POU2F1: variants seen among roughly 807,000 people sequenced by gnomAD.
The protein encoded by POU2F1 is POU class 2 homeobox 1.
In POU2F1, 16 loss-of-function variants were observed where a neutral mutation model predicts 84.9. The observed-to-expected ratio is 0.19, with a 90% CI of 0.13 to 0.29. POU2F1 has a LOEUF of 0.29. Among genes scored for constraint, POU2F1 ranks in the 10% least tolerant of loss-of-function variants. POU2F1 has a pLI of 1.00. For missense variants in POU2F1, 738 were observed against 942.6 expected (o/e 0.78, Z 2.84); for synonymous variants, 368 against 368.3 (o/e 1.00, Z 0.01).
At chr1:167,413,316 A>G (rs1048100617) in intron 15 of POU2F1, among the ~76,000 whole-genome samples, 1 of 152,200 alleles carries the variant, frequency 6.6e-6, no homozygotes, top group South Asian at 2.1e-4. Flanking sequence ...TAAGAAAAGT[A>G]TAGGTGTTAG....
chr1:167,245,758 T>C (rs1427339365), intron 1 of POU2F1, among the ~76,000 whole-genome samples: 1 of 152,188 alleles, frequency 6.6e-6, no homozygotes, highest in Non-Finnish European at 1.5e-5. Flanking sequence ...GGTTTCACTG[T>C]ATTGCCCAGG....
intron 13 of POU2F1, among the ~76,000 whole-genome samples, chr1:167,410,860 C>T (rs1649913577): frequency 6.6e-6 from 1 of 152,048 alleles, no homozygotes; most frequent in Non-Finnish European, 1.5e-5. Context: ...TTTTAAATTA[C>T]ATATGTCTTG....
chr1:167,306,061 T>C (rs1366387176), intron 1 of POU2F1, among the ~76,000 whole-genome samples: 1 of 152,228 alleles, frequency 6.6e-6, no homozygotes, highest in Non-Finnish European at 1.5e-5. Context: ...ACGGTCAACT[T>C]GTTAACCCTC....
chr1:167,313,851 C>T (rs1322692251), intron 1 of POU2F1, among the ~76,000 whole-genome samples: 1 of 152,132 alleles, frequency 6.6e-6, no homozygotes, highest in African/African-American at 2.4e-5. Context: ...TAAAGGACTC[C>T]TGTCTACAAT....
chr1:167,409,579 AT>A (rs1416847658), intron 13 of POU2F1, among the ~76,000 whole-genome samples: 2 of 152,228 alleles, frequency 1.3e-5, no homozygotes. Flanking sequence ...CATAATGCTT[AT>A]TTATATAACA....
At chr1:167,348,298 C>T (rs1278081889) in intron 2 of POU2F1, among the ~76,000 whole-genome samples, 1 of 152,134 alleles carries the variant, frequency 6.6e-6, no homozygotes, top group East Asian at 1.9e-4. Flanking sequence ...AATCATGGTT[C>T]TATTGTTGCT....
chr1:167,343,196 G>A (rs191910323), intron 2 of POU2F1, among the ~76,000 whole-genome samples: 1 of 152,256 alleles, frequency 6.6e-6, no homozygotes, highest in African/African-American at 2.4e-5. Context: ...AATTACTGAA[G>A]CTGTGCGAAT....
intron 1 of POU2F1, among the ~76,000 whole-genome samples, chr1:167,236,400 C>T (rs796458722): frequency 2.6e-5 from 4 of 152,024 alleles, no homozygotes; most frequent in African/African-American, 4.8e-5. Context: ...CGCGCCCGGC[C>T]GACATCTTCT....
Position 167,416,087 on chromosome 1 carries a change from T to TAAAAAA in POU2F1, c.*291_*296dup, listed in dbSNP as rs34032944. 6.0e-5 allele frequency: 21 copies of TAAAAAA among 351,638 alleles called. No individual in the cohort carries two copies. Among genetic ancestry groups the TAAAAAA allele is most frequent in the East Asian group, 1.6e-4 (2 of 12,508 alleles). The allele number at this position is 351,638 out of a possible 1,614,324, so 21.8% of individuals were successfully genotyped here. A position where few individuals can be genotyped will look rare whatever the true frequency, so the allele number is the denominator to read the frequency against. Reference sequence around the variant, plus strand: ...ATTGGAGAACTTTCTAACCAAAAATTAAAAAAAAAAAAAAAAAAAGAAACA... The same window carrying TAAAAAA: ...ATTGGAGAACTTTCTAACCAAAAATTAAAAAAAAAAAAAAAAAAAAAAAAAGAAACA... On this transcript the variant is annotated 3_prime_UTR_variant, in exon 16 of 16. Transcript: ENST00000367866.
Position 167,401,396 on chromosome 1 carries a change from C to G in POU2F1, c.1450-55C>G, listed in dbSNP as rs1016156066. 12 of 1,236,738 alleles carry G rather than the reference C, an allele frequency of 9.7e-6. No homozygotes were observed. The African/African-American group carries it at 1.5e-4, about 15-fold the overall frequency. The allele number at this position is 1,236,738 out of a possible 1,614,324, so 76.6% of individuals were successfully genotyped here. On this transcript the variant is annotated intron_variant, in intron 12 of 15. Transcript: ENST00000367866. Reference sequence around the variant, plus strand: ...CAAAGAAAGACTGTAAAATCATTTCCTCTTTAAGTTTTGATTTTAAGTGCT... The same window carrying G: ...CAAAGAAAGACTGTAAAATCATTTCGTCTTTAAGTTTTGATTTTAAGTGCT...
chr1:167,412,387 CTT>C, intron 14 of POU2F1, 83 bp downstream of exon 14: 1 of 1,204,832 alleles, frequency 8.3e-7, no homozygotes, highest in Admixed American at 3.3e-5. Context: ...ACATCACTGA[CTT>C]AGATGGGGAA....
rs193157103 is a variant in POU2F1 at position 167,308,135 on chromosome 1, C to T, written c.62-24335C>T. Among the ~76,000 whole-genome samples, 363 of 151,234 alleles carry T rather than the reference C, an allele frequency of 2.4e-3. 4 individuals carry two copies. Among genetic ancestry groups the T allele is most frequent in the African/African-American group, 8.6e-3 (355 of 41,194 alleles). ...AGGCTGGAGTGCAGTGATGCAATCT[C>T]GGCTCACTGCAGCCTCTGCCGCCCG... On this transcript the variant is annotated intron_variant, in intron 1 of 15. Coordinates refer to ENST00000367866, the MANE Select transcript of POU2F1 (RefSeq NM_002697.4).
intron 2 of POU2F1, among the ~76,000 whole-genome samples, chr1:167,350,898 T>C (rs961575784): frequency 4.6e-5 from 7 of 151,742 alleles, no homozygotes; most frequent in African/African-American, 1.7e-4. Context: ...CTAGGGAGGC[T>C]GAGACAGGAG....
intron 1 of POU2F1, among the ~76,000 whole-genome samples, chr1:167,233,343 G>C (rs1273989597): frequency 1.4e-5 from 2 of 147,090 alleles, no homozygotes; most frequent in South Asian, 2.2e-4. Context: ...TCGCCTTGTT[G>C]CCCCGGCTGG....
chr1:167,321,964 A>G (rs1015931364), intron 1 of POU2F1, among the ~76,000 whole-genome samples: 2 of 152,204 alleles, frequency 1.3e-5, no homozygotes, highest in Non-Finnish European at 1.5e-5. Flanking sequence ...CAGGTTGTCC[A>G]TTGGGCCCTT....
chr1:167,415,490 TTGTC>T lies in POU2F1; in HGVS notation c.1991-6_1991-3del. On this transcript the variant is annotated splice_polypyrimidine_tract_variant and splice_region_variant and intron_variant, in intron 15 of 15. Transcript: ENST00000367866. ...CATTCCTGCCTGTTTTGGGGGGTTT[TTGTC>T]TGTAGCTCTTGCTTCTGGTGGCTCT... The T allele has an allele frequency of 6.2e-7, 1 of 1,612,484 alleles. No homozygotes were observed. Among genetic ancestry groups the T allele is most frequent in the Non-Finnish European group, 8.5e-7 (1 of 1,178,916 alleles).
intron 1 of POU2F1, among the ~76,000 whole-genome samples, chr1:167,297,693 A>G (rs1016720784): frequency 1.3e-5 from 2 of 152,200 alleles, no homozygotes; most frequent in South Asian, 2.1e-4. Flanking sequence ...GAGAGTTGGA[A>G]TGGCAACCAG....
chr1:167,221,085 G>C (rs1048423421), intron 1 of POU2F1, 127 bp downstream of exon 1: 2 of 924,334 alleles, frequency 2.2e-6, no homozygotes, highest in Admixed American at 2.1e-5. Flanking sequence ...GAGATGGGGG[G>C]CCGGGGAGCA....
intron 1 of POU2F1, among the ~76,000 whole-genome samples, chr1:167,266,622 ATTTTTTT>A (rs34659711): frequency 8.0e-4 from 109 of 136,834 alleles, no homozygotes; most frequent in Non-Finnish European, 1.4e-3. Context: ...AATACTATTA[ATTTTTTT>A]TTTTTTTTTT....
Sources: gnomAD v4.1 joint callset for allele counts (sites outside exome capture counted in the v4.1 genomes callset) on GRCh38, gnomAD v4.1.1 for gene constraint, MANE v1.5 for transcripts, NCBI Gene and HGNC (gene_info 2026-07-23, HGNC 2026-07-21) for gene names.